Variants in GPR137B observed in about 807,000 individuals in gnomAD.
GPR137B encodes G protein-coupled receptor 137B.
GPR137B carries 42 observed loss-of-function variants against 42.5 expected under a neutral mutation model. The ratio of observed to expected loss-of-function variants is 0.99; its 90% confidence interval spans 0.77 to 1.28. GPR137B has a LOEUF of 1.28. Among genes scored for constraint, GPR137B ranks in the 50% most tolerant of loss-of-function variants. The pLI is 0.00. For synonymous variants in GPR137B, 218 were observed against 209.7 expected (o/e 1.04, Z -0.34); for missense variants, 487 against 493.9 (o/e 0.99, Z 0.13).
chr1:236,161,580 T>TC (rs1662199205), intron 1 of GPR137B, among the ~76,000 whole-genome samples: 4 of 151,992 alleles, frequency 2.6e-5, no homozygotes, highest in African/African-American at 9.7e-5. Context: ...TGCATCCCCA[T>TC]GCAAATCTCA....
rs190103747 is a variant in GPR137B at position 236,167,040 on chromosome 1, C to T, written c.415-1666C>T. 3.2e-4 allele frequency among the ~76,000 whole-genome samples: 49 copies of T among 152,126 alleles called. No individual in the cohort carries two copies. The East Asian group carries it at 5.0e-3, about 16-fold the overall frequency. ...GCTGTGGGAGGAAAGGCCCCGAGGC[C>T]GAGGGTAGGTTTAGGAACTCCATGG... On this transcript the variant is annotated intron_variant, in intron 1 of 6. Transcript: ENST00000366592.
intron 5 of GPR137B, among the ~76,000 whole-genome samples, chr1:236,192,624 G>C (rs1346418800): frequency 6.6e-6 from 1 of 152,026 alleles, no homozygotes; most frequent in Non-Finnish European, 1.5e-5. Context: ...CTTCTCGATC[G>C]AGGCGACACC....
intron 6 of GPR137B, among the ~76,000 whole-genome samples, chr1:236,206,294 C>T (rs1171243314): frequency 6.6e-6 from 1 of 152,158 alleles, no homozygotes; most frequent in Admixed American, 6.5e-5. Context: ...TGTCCAAGGT[C>T]ACACAGCTAG....
At chr1:236,143,179 G>T (rs1323128429) in intron 1 of GPR137B, 143 bp downstream of exon 1, 3 of 677,766 alleles carry the variant, frequency 4.4e-6, no homozygotes, top group African/African-American at 1.8e-5. Context: ...CTCTGGGGTC[G>T]TCCGAACCCT....
intron 6 of GPR137B, among the ~76,000 whole-genome samples, chr1:236,205,740 C>G (rs1663641972): frequency 6.6e-6 from 1 of 152,132 alleles, no homozygotes; most frequent in Admixed American, 6.5e-5. Flanking sequence ...GGGGTTTTGC[C>G]ACGTTGGCCA....
chr1:236,168,962 G>T (rs977727430), intron 2 of GPR137B, among the ~76,000 whole-genome samples: 1 of 152,214 alleles, frequency 6.6e-6, no homozygotes, highest in East Asian at 1.9e-4. Flanking sequence ...GAATCATGGG[G>T]ACTTGCATCA....
chr1:236,199,745 GTCT>G (rs1558496005), intron 5 of GPR137B, among the ~76,000 whole-genome samples: 2 of 151,804 alleles, frequency 1.3e-5, no homozygotes, highest in Non-Finnish European at 2.9e-5. Flanking sequence ...TGGATCTTCT[GTCT>G]TCTTGGTTAA....
chr1:236,206,977 G>GT (rs1055125648), intron 6 of GPR137B, among the ~76,000 whole-genome samples: 1 of 152,104 alleles, frequency 6.6e-6, no homozygotes, highest in Admixed American at 6.6e-5. Context: ...GTAATCTTTT[G>GT]TAAGATTAAA....
intron 2 of GPR137B, 58 bp downstream of exon 2, chr1:236,168,813 T>C (rs761623805): frequency 1.2e-5 from 14 of 1,195,628 alleles, no homozygotes; most frequent in Admixed American, 1.7e-5. Context: ...GACACATGAA[T>C]CTCATCTCTC....
intron 1 of GPR137B, among the ~76,000 whole-genome samples, chr1:236,147,414 G>A (rs897595395): frequency 6.6e-6 from 1 of 152,226 alleles, no homozygotes; most frequent in African/African-American, 2.4e-5. Context: ...TCCTTCTTCA[G>A]GGGGCAGCCA....
intron 5 of GPR137B, among the ~76,000 whole-genome samples, chr1:236,184,641 T>A (rs78584527): frequency 0.042 from 6,450 of 152,266 alleles, 425 homozygotes; most frequent in African/African-American, 0.14. Context: ...CTCCAATAAT[T>A]CACAGTTCTT....
intron 1 of GPR137B, among the ~76,000 whole-genome samples, chr1:236,149,695 T>C (rs1024544868): frequency 2.0e-5 from 3 of 152,182 alleles, no homozygotes; most frequent in Admixed American, 1.3e-4. Flanking sequence ...GTAAGAGGCT[T>C]AGGAAACAGA....
At chr1:236,173,243 A>G in intron 2 of GPR137B, among the ~76,000 whole-genome samples, 1 of 148,190 alleles carries the variant, frequency 6.7e-6, no homozygotes. Context: ...GTGAGCTGTG[A>G]TTGCACTCCT....
At chr1:236,145,680 T>C (rs797005737) in intron 1 of GPR137B, among the ~76,000 whole-genome samples, 4 of 151,248 alleles carry the variant, frequency 2.6e-5, no homozygotes, top group African/African-American at 9.7e-5. Context: ...TCTAAGCAAT[T>C]GGTTATATTT....
intron 6 of GPR137B, chr1:236,207,333 G>A: frequency 1.1e-6 from 1 of 934,802 alleles, no homozygotes; most frequent in Non-Finnish European, 1.3e-6. Flanking sequence ...GTCAAAAGCT[G>A]TCCTTTGGGT....
intron 5 of GPR137B, among the ~76,000 whole-genome samples, chr1:236,190,624 GAAAATT>G (rs1663166721): frequency 1.3e-5 from 2 of 151,586 alleles, no homozygotes. Context: ...ATTCTGGGTT[GAAAATT>G]TTTTTCTTTA....
rs1663743181 is a variant in GPR137B at position 236,208,795 on chromosome 1, A to G, written c.*637A>G. The G allele has an allele frequency of 3.3e-5, 32 of 984,152 alleles. No homozygotes were observed. The highest frequency in any genetic ancestry group is 4.7e-5 in the South Asian group (1 of 21,286). 61.0% of individuals were successfully genotyped at this position (984,152 alleles called of 1,614,324 possible). A position where few individuals can be genotyped will look rare whatever the true frequency, so the allele number is the denominator to read the frequency against. On this transcript the variant is annotated 3_prime_UTR_variant, in exon 7 of 7. Transcript: ENST00000366592. ...TCAAGGAATCTCTTAAGTTTTGCCC[A>G]AAGACTGGTACTTCCTTTCAGTAGG... is the stretch of plus-strand genomic sequence containing the variant.
At chr1:236,157,914 A>C (rs550780681) in intron 1 of GPR137B, among the ~76,000 whole-genome samples, 6 of 152,158 alleles carry the variant, frequency 3.9e-5, no homozygotes, top group African/African-American at 1.4e-4. Flanking sequence ...GGGAATAAAC[A>C]AACTGCAGAA....
At position 236,159,250 on chromosome 1, in the gene GPR137B, G is replaced by A. The variant is rs146034856; in HGVS notation, c.415-9456G>A. Among the ~76,000 whole-genome samples the A allele has an allele frequency of 5.0e-4, 76 of 152,286 alleles. No individual in the cohort carries two copies. In the East Asian group the frequency reaches 0.013, roughly 26 times the overall value. ...ATTCCTGGAGCCCAGGAAGATGGAGGCTGCAATGAGCTATGATGGCACCAC... is the reference window on the plus strand; with the variant it reads ...ATTCCTGGAGCCCAGGAAGATGGAGACTGCAATGAGCTATGATGGCACCAC... On this transcript the variant is annotated intron_variant, in intron 1 of 6. Transcript: ENST00000366592.
Sources: allele counts gnomAD v4.1 joint callset (sites outside exome capture counted in the v4.1 genomes callset), GRCh38; gene constraint gnomAD v4.1.1; transcripts MANE v1.5; gene names NCBI Gene and HGNC (gene_info 2026-07-23, HGNC 2026-07-21).